The following PTPRT variants were observed in gnomAD, a reference collection of about 807,000 sequenced individuals.
PTPRT encodes the protein receptor-type tyrosine-protein phosphatase T.
PTPRT carries 56 observed loss-of-function variants against 176.8 expected under a neutral mutation model. The observed-to-expected ratio is 0.32, with a 90% CI of 0.26 to 0.40. The LOEUF is 0.40. Ranked by LOEUF, PTPRT falls within the 10% of genes least tolerant of loss-of-function variation. PTPRT has a pLI of 1.00. For synonymous variants in PTPRT, 783 were observed against 739.0 expected (o/e 1.06, Z -0.96); for missense variants, 1,540 against 1,908.2 (o/e 0.81, Z 3.60).
intron 1 of PTPRT, among the ~76,000 whole-genome samples, chr20:43,041,310 T>C (rs915909062): frequency 7.9e-5 from 12 of 152,246 alleles, no homozygotes; most frequent in African/African-American, 4.8e-5. Context: ...ATTCAGGGAA[T>C]ACAAATTTTC....
At chr20:42,555,699 A>G (rs1018896597) in intron 7 of PTPRT, among the ~76,000 whole-genome samples, 13 of 152,146 alleles carry the variant, frequency 8.5e-5, no homozygotes, top group African/African-American at 3.1e-4. Flanking sequence ...GTTTTGACAA[A>G]TGGAATATGA....
At chr20:42,180,247 C>A (rs1200012052) in intron 16 of PTPRT, among the ~76,000 whole-genome samples, 3 of 152,160 alleles carry the variant, frequency 2.0e-5, no homozygotes, top group Non-Finnish European at 4.4e-5. Flanking sequence ...CTGGTTTTGA[C>A]TGACCTTTAC....
intron 11 of PTPRT, among the ~76,000 whole-genome samples, chr20:42,336,685 G>C (rs11696961): frequency 0.24 from 36,468 of 151,576 alleles, 4,779 homozygotes; most frequent in Non-Finnish European, 0.3. Context: ...GAATAAATTT[G>C]TGATTGCTTG....
chr20:42,947,857 C>A (rs565983228), intron 1 of PTPRT, among the ~76,000 whole-genome samples: 1 of 152,224 alleles, frequency 6.6e-6, no homozygotes, highest in East Asian at 1.9e-4. Flanking sequence ...ATCTAATGAC[C>A]ACTCCTTCAT....
intron 2 of PTPRT, among the ~76,000 whole-genome samples, chr20:42,859,587 T>TA (rs2078624976): frequency 1.7e-5 from 1 of 58,582 alleles, no homozygotes; most frequent in Non-Finnish European, 3.1e-5. Flanking sequence ...TTTTTTTTAA[T>TA]TTTTTTTTTT....
intron 15 of PTPRT, among the ~76,000 whole-genome samples, chr20:42,209,880 T>C (rs1247032950): frequency 6.6e-6 from 1 of 152,072 alleles, no homozygotes; most frequent in Non-Finnish European, 1.5e-5. Context: ...TTGATGAACA[T>C]TGATGCAAAA....
chr20:42,403,932 CCCT>C (rs1277193966), intron 9 of PTPRT, among the ~76,000 whole-genome samples: 26 of 152,026 alleles, frequency 1.7e-4, no homozygotes, highest in African/African-American at 6.0e-4. Flanking sequence ...ACCTCCTCAC[CCCT>C]CTAGGCCCTC....
intron 1 of PTPRT, among the ~76,000 whole-genome samples, chr20:43,073,093 G>C (rs76238266): frequency 1.3e-5 from 2 of 152,126 alleles, no homozygotes; most frequent in African/African-American, 4.8e-5. Flanking sequence ...GGGTCAAAGA[G>C]GACTTGCTTA....
intron 16 of PTPRT, among the ~76,000 whole-genome samples, chr20:42,170,151 C>T (rs1443796445): frequency 6.6e-6 from 1 of 152,086 alleles, no homozygotes; most frequent in African/African-American, 2.4e-5. Flanking sequence ...GCTGAGGTTG[C>T]CCTCATGCCA....
intron 2 of PTPRT, among the ~76,000 whole-genome samples, chr20:42,800,708 T>C (rs534642285): frequency 6.8e-4 from 104 of 152,210 alleles, no homozygotes; most frequent in Admixed American, 2.3e-3. Flanking sequence ...ACTGGATTAT[T>C]ACCTCGTATA....
intron 1 of PTPRT, among the ~76,000 whole-genome samples, chr20:42,945,963 A>G (rs1980858976): frequency 6.6e-6 from 1 of 152,100 alleles, no homozygotes; most frequent in South Asian, 2.1e-4. Flanking sequence ...GAATCATATC[A>G]TATACATGGA....
chr20:42,412,788 A>T (rs2059030370), intron 9 of PTPRT, among the ~76,000 whole-genome samples: 1 of 152,128 alleles, frequency 6.6e-6, no homozygotes, highest in South Asian at 2.1e-4. Context: ...AGGAAATCAG[A>T]CTCAAAAAGC....
chr20:42,282,406 C>T, intron 13 of PTPRT, 83 bp downstream of exon 13: 3 of 1,370,468 alleles, frequency 2.2e-6, no homozygotes, highest in Non-Finnish European at 3.1e-6. Context: ...GTTACTGTTG[C>T]CTAATCTTTC....
intron 2 of PTPRT, among the ~76,000 whole-genome samples, chr20:42,807,973 C>T (rs899835813): frequency 1.8e-4 from 28 of 152,184 alleles, no homozygotes; most frequent in Non-Finnish European, 7.4e-5. Flanking sequence ...GGCACTTAGG[C>T]ACACAGTCTT....
intron 1 of PTPRT, among the ~76,000 whole-genome samples, chr20:43,137,801 C>T (rs1156483978): frequency 6.6e-6 from 1 of 152,190 alleles, no homozygotes; most frequent in Non-Finnish European, 1.5e-5. Flanking sequence ...CACACACATG[C>T]ACACGCAAGC....
intron 6 of PTPRT, 28 bp downstream of exon 6, chr20:42,756,434 A>T: frequency 2.0e-6 from 3 of 1,499,864 alleles, no homozygotes; most frequent in Non-Finnish European, 2.7e-6. Context: ...CTTCCATGGC[A>T]GTAGAGGCGC....
chr20:42,919,954 C>G (rs921044832), intron 1 of PTPRT, among the ~76,000 whole-genome samples: 1 of 152,164 alleles, frequency 6.6e-6, no homozygotes, highest in Non-Finnish European at 1.5e-5. Flanking sequence ...ACTTCAGAGG[C>G]CAATCCCCGC....
intron 12 of PTPRT, among the ~76,000 whole-genome samples, chr20:42,312,056 A>G (rs1369561313): frequency 5.9e-5 from 9 of 152,228 alleles, no homozygotes; most frequent in African/African-American, 2.2e-4. Flanking sequence ...CTTTGCCTTA[A>G]GTAGTTACAT....
At chr20:42,494,492 T>A (rs1234802780) in intron 7 of PTPRT, among the ~76,000 whole-genome samples, 2 of 152,096 alleles carry the variant, frequency 1.3e-5, no homozygotes, top group Admixed American at 1.3e-4. Flanking sequence ...TGACTAACTC[T>A]CAGTTGTGGG....
Sources: gnomAD v4.1 joint callset for allele counts (sites outside exome capture counted in the v4.1 genomes callset) on GRCh38, gnomAD v4.1.1 for gene constraint, MANE v1.5 for transcripts, NCBI Gene and HGNC (gene_info 2026-07-23, HGNC 2026-07-21) for gene names.